Variants in BMAL2 observed in about 807,000 individuals in gnomAD.
The protein encoded by BMAL2 is basic helix-loop-helix ARNT-like protein 2.
At chr12:27,390,674 T>C in the BMAL2 span, among the ~76,000 whole-genome samples, 10 of 152,334 alleles carry the variant, frequency 6.6e-5, no homozygotes, top group South Asian at 1.7e-3. Flanking sequence ...TTTTATGAGA[T>C]GGTGATTCTT....
chr12:27,349,810 A>G, the BMAL2 span, among the ~76,000 whole-genome samples: 3 of 152,160 alleles, frequency 2.0e-5, no homozygotes, highest in Non-Finnish European at 4.4e-5. Flanking sequence ...AAATGACCAC[A>G]GAGAGGGTAA....
the BMAL2 span, among the ~76,000 whole-genome samples, chr12:27,354,135 C>T: frequency 6.6e-6 from 1 of 152,184 alleles, no homozygotes; most frequent in African/African-American, 2.4e-5. Flanking sequence ...CACTGCAACA[C>T]TATTCAAAAT....
chr12:27,420,734 A>G, the BMAL2 span: 15 of 520,740 alleles, frequency 2.9e-5, no homozygotes, highest in Non-Finnish European at 3.7e-5. Context: ...TTTATTATAG[A>G]CTCCTTTATT....
At chr12:27,385,014 TGAA>T in the BMAL2 span, among the ~76,000 whole-genome samples, 1 of 152,116 alleles carries the variant, frequency 6.6e-6, no homozygotes, top group Non-Finnish European at 1.5e-5. Context: ...CAAGTGATAA[TGAA>T]GAAAGAAAAT....
the BMAL2 span, among the ~76,000 whole-genome samples, chr12:27,372,705 G>A: frequency 9.2e-5 from 14 of 151,644 alleles, no homozygotes; most frequent in Admixed American, 2.0e-4. Context: ...ACGGAGTCTC[G>A]CTGTGTCACC....
the BMAL2 span, chr12:27,376,357 G>A: frequency 1.9e-6 from 3 of 1,613,798 alleles, no homozygotes; most frequent in South Asian, 3.3e-5. Context: ...GTGGAAGATG[G>A]TGAACACCAA....
At chr12:27,338,815 G>A in the BMAL2 span, among the ~76,000 whole-genome samples, 22 of 152,276 alleles carry the variant, frequency 1.4e-4, no homozygotes, top group Non-Finnish European at 2.6e-4. Flanking sequence ...GCATATTTCT[G>A]ATCAGTAAGA....
the BMAL2 span, among the ~76,000 whole-genome samples, chr12:27,379,768 C>T: frequency 1.7e-4 from 25 of 150,640 alleles, no homozygotes; most frequent in South Asian, 1.1e-3. Context: ...GGGGGGAAGA[C>T]GGTAGCAAGA....
the BMAL2 span, among the ~76,000 whole-genome samples, chr12:27,405,348 C>CCA: frequency 9.2e-5 from 14 of 152,240 alleles, no homozygotes; most frequent in Admixed American, 8.5e-4. Context: ...AGGCACCCCC[C>CCA]AGTAGGGGAA....
chr12:27,378,861 T>G, the BMAL2 span, among the ~76,000 whole-genome samples: 1 of 152,122 alleles, frequency 6.6e-6, no homozygotes. Flanking sequence ...TTAAGAAATA[T>G]TTTAAGATCT....
chr12:27,402,845 A>G, the BMAL2 span, among the ~76,000 whole-genome samples: 1 of 152,226 alleles, frequency 6.6e-6, no homozygotes, highest in African/African-American at 2.4e-5. Flanking sequence ...ACTAAATTCA[A>G]CGGGAAATAG....
At chr12:27,403,618 C>T in the BMAL2 span, 1 of 834,774 alleles carries the variant, frequency 1.2e-6, no homozygotes, top group Admixed American at 2.6e-5. Context: ...AAATCAGTAG[C>T]CTTCCTATAT....
the BMAL2 span, among the ~76,000 whole-genome samples, chr12:27,371,071 C>G: frequency 6.6e-6 from 1 of 152,214 alleles, no homozygotes; most frequent in South Asian, 2.1e-4. Context: ...TTTACATCAT[C>G]ATAACTGCTA....
At chr12:27,370,183 C>T in the BMAL2 span, 1 of 1,614,092 alleles carries the variant, frequency 6.2e-7, no homozygotes, top group South Asian at 1.1e-5. Context: ...ATCCCCTTAC[C>T]TATCTTCTTT....
the BMAL2 span, among the ~76,000 whole-genome samples, chr12:27,364,980 A>G: frequency 1.3e-5 from 2 of 152,114 alleles, no homozygotes; most frequent in African/African-American, 4.8e-5. Context: ...ATATTGATTT[A>G]TATACAGCCA....
At chr12:27,353,143 A>G in the BMAL2 span, among the ~76,000 whole-genome samples, 2 of 152,322 alleles carry the variant, frequency 1.3e-5, no homozygotes, top group East Asian at 3.9e-4. Context: ...AGCAAAAAGA[A>G]CAAAGCCAGA....
chr12:27,420,029 A>G, the BMAL2 span, among the ~76,000 whole-genome samples: 8 of 150,814 alleles, frequency 5.3e-5, no homozygotes, highest in African/African-American at 2.0e-4. Context: ...GCACACACAC[A>G]CACACACACA....
the BMAL2 span, among the ~76,000 whole-genome samples, chr12:27,358,541 A>G: frequency 6.6e-6 from 1 of 152,172 alleles, no homozygotes; most frequent in Non-Finnish European, 1.5e-5. Context: ...ATGATGGCAT[A>G]GGATTTTACT....
At chr12:27,345,744 C>T in the BMAL2 span, among the ~76,000 whole-genome samples, 1 of 152,170 alleles carries the variant, frequency 6.6e-6, no homozygotes, top group African/African-American at 2.4e-5. Context: ...CTCAAGCTAT[C>T]TGCCCATCTG....
Sources: allele counts gnomAD v4.1 joint callset (sites outside exome capture counted in the v4.1 genomes callset), GRCh38; gene constraint gnomAD v4.1.1; transcripts MANE v1.5; gene names NCBI Gene and HGNC (gene_info 2026-07-23, HGNC 2026-07-21).